Variants in ZNF516 observed in about 807,000 individuals in gnomAD.
ZNF516 encodes zinc finger protein 516.
In ZNF516, 19 loss-of-function variants were observed where a neutral mutation model predicts 79.7. That is an observed-to-expected ratio of 0.24 (90% CI 0.17 to 0.35). The LOEUF is 0.35. Among genes scored for constraint, ZNF516 ranks in the 10% least tolerant of loss-of-function variants. ZNF516 has a pLI of 1.00. For missense variants in ZNF516, 1,678 were observed against 1,679.5 expected (o/e 1.00, Z 0.02); for synonymous variants, 877 against 739.5 (o/e 1.19, Z -3.02).
chr18:76,440,757 T>TGCGC (rs1254213036), intron 3 of ZNF516, among the ~76,000 whole-genome samples: 7 of 146,454 alleles, frequency 4.8e-5, no homozygotes, highest in Non-Finnish European at 9.1e-5. Context: ...TGTGTGTGTG[T>TGCGC]GTGTGCGCGC....
At chr18:76,489,794 A>C (rs2145829049) in intron 1 of ZNF516, among the ~76,000 whole-genome samples, 1 of 152,316 alleles carries the variant, frequency 6.6e-6, no homozygotes, top group Admixed American at 6.5e-5. Context: ...CAGGATATTA[A>C]GCCATCTGGA....
intron 2 of ZNF516, among the ~76,000 whole-genome samples, chr18:76,462,050 T>C (rs1568313344): frequency 6.6e-6 from 1 of 152,254 alleles, no homozygotes; most frequent in African/African-American, 2.4e-5. Flanking sequence ...GGTTACCTTT[T>C]AAATTAATAT....
In ZNF516 at chr18:76,443,018, G is replaced by A; in HGVS notation, c.37C>T (p.Arg13Ter). ...RNREAEMELR[R>*]GPSPTRAGRG... ...CCGGCCCTGGTGGGGCTGGGGCCTC[G>A]CCTCAGCTCCATCTCGGCCTCTCTG... The change falls in exon 3 of 7, where the codon CGA (arginine) becomes TGA (stop). Residue 13 changes from arginine to a stop codon, truncating the protein, a stop_gained. Transcript: ENST00000443185. LOFTEE classifies it high-confidence loss of function. The A allele has an allele frequency of 1.3e-6, 2 of 1,597,890 alleles. No individual in the cohort carries two copies. Among genetic ancestry groups the A allele is most frequent in the Non-Finnish European group, 1.7e-6 (2 of 1,177,436 alleles).
intron 6 of ZNF516, among the ~76,000 whole-genome samples, chr18:76,363,862 G>A (rs147113935): frequency 2.6e-5 from 4 of 152,312 alleles, no homozygotes; most frequent in Admixed American, 6.5e-5. Flanking sequence ...GGCCTTGACC[G>A]TCTCTGCATA....
At chr18:76,445,634 A>T (rs957007833) in intron 2 of ZNF516, among the ~76,000 whole-genome samples, 3 of 152,226 alleles carry the variant, frequency 2.0e-5, no homozygotes, top group South Asian at 2.1e-4. Flanking sequence ...AAAATCCTGG[A>T]AATTGGTGGC....
intron 2 of ZNF516, among the ~76,000 whole-genome samples, chr18:76,454,845 A>G (rs780432124): frequency 6.6e-6 from 1 of 152,230 alleles, no homozygotes. Flanking sequence ...ATTCAGCTAC[A>G]AAAGTTAAGA....
chr18:76,482,086 G>A (rs1914554482), intron 1 of ZNF516, among the ~76,000 whole-genome samples: 1 of 152,166 alleles, frequency 6.6e-6, no homozygotes, highest in Non-Finnish European at 1.5e-5. Flanking sequence ...TTTAGAAGTT[G>A]ACTTTAGCGC....
rs533724602 is a variant in ZNF516 at position 76,458,690 on chromosome 18, C to T, written c.-158+4338G>A. On this transcript the variant is annotated intron_variant, in intron 2 of 6. Transcript: ENST00000443185. ...TCACCGTCGTGTGTGCGTGCCTCAC[C>T]GTCGTGTGTGCGTGCCTCACCGTCG... Among the ~76,000 whole-genome samples, 5 of 142,562 alleles carry T rather than the reference C, an allele frequency of 3.5e-5. No homozygotes were observed. In the East Asian group the frequency reaches 1.0e-3, roughly 30 times the overall value. The allele number at this position is 142,562 out of a possible 152,430, so 93.5% of individuals were successfully genotyped here.
intron 3 of ZNF516, among the ~76,000 whole-genome samples, chr18:76,439,917 C>T (rs746782074): frequency 6.6e-6 from 1 of 151,836 alleles, no homozygotes; most frequent in Non-Finnish European, 1.5e-5. Flanking sequence ...CCAGGGGTCA[C>T]GATGGGGTCA....
chr18:76,378,964 C>A lies in ZNF516; in HGVS notation c.3150G>T (p.Gly1050=), dbSNP rs761039153. ...TGAGGATGTCCAGGCGCTTCTCATG[C>A]CCCTCGGCCACCGGCTCCTGTTTGA... The part of the protein sequence containing the change: ...HSIKQEPVAE[G]HEKRLDILNI... Residue 1050 remains glycine (G), a synonymous_variant, in exon 4 of 7, where the codon GGG becomes GGT. Coordinates refer to ENST00000443185, the MANE Select transcript of ZNF516 (RefSeq NM_014643.4). 1.2e-6 allele frequency: 2 copies of A among 1,613,638 alleles called. No individual in the cohort carries two copies. The highest frequency in any genetic ancestry group is 2.2e-5 in the East Asian group (1 of 44,878).
At chr18:76,384,680 C>A (rs1235454780) in intron 3 of ZNF516, among the ~76,000 whole-genome samples, 1 of 150,924 alleles carries the variant, frequency 6.6e-6, no homozygotes, top group Non-Finnish European at 1.5e-5. Flanking sequence ...AACGGAAGAA[C>A]TCGGCTAGAG....
chr18:76,373,224 GGAGA>G, intron 4 of ZNF516, among the ~76,000 whole-genome samples: 1 of 151,338 alleles, frequency 6.6e-6, no homozygotes, highest in South Asian at 2.1e-4. Context: ...GAAGAAAAGA[GGAGA>G]GAGGAGGGAA....
chr18:76,481,766 G>A (rs959715735), intron 1 of ZNF516, among the ~76,000 whole-genome samples: 3 of 152,142 alleles, frequency 2.0e-5, no homozygotes, highest in African/African-American at 7.2e-5. Context: ...TTTATTTAGG[G>A]AACTAGTTAT....
At chr18:76,416,567 G>C (rs180923077) in intron 3 of ZNF516, among the ~76,000 whole-genome samples, 10 of 152,226 alleles carry the variant, frequency 6.6e-5, no homozygotes, top group Admixed American at 6.5e-4. Flanking sequence ...TTGTGATTTG[G>C]ATTTTCTGCA....
intron 1 of ZNF516, among the ~76,000 whole-genome samples, chr18:76,483,726 T>C (rs997983498): frequency 7.2e-5 from 11 of 152,214 alleles, no homozygotes; most frequent in African/African-American, 2.2e-4. Context: ...ACTTACACTC[T>C]GTATTTACTC....
chr18:76,391,687 C>T (rs1028746851), intron 3 of ZNF516, among the ~76,000 whole-genome samples: 7 of 152,350 alleles, frequency 4.6e-5, no homozygotes, highest in African/African-American at 1.7e-4. Flanking sequence ...TGGGCAATCA[C>T]ACCAGCCCTA....
At chr18:76,385,409 G>A (rs1027763861) in intron 3 of ZNF516, among the ~76,000 whole-genome samples, 6 of 152,236 alleles carry the variant, frequency 3.9e-5, no homozygotes, top group Non-Finnish European at 8.8e-5. Context: ...CAAAAGCACA[G>A]AAATGCGGTG....
chr18:76,385,104 C>T (rs1484233862), intron 3 of ZNF516, among the ~76,000 whole-genome samples: 3 of 152,216 alleles, frequency 2.0e-5, no homozygotes, highest in Non-Finnish European at 4.4e-5. Flanking sequence ...GCACGTCGCT[C>T]CCAACCCCAC....
intron 3 of ZNF516, among the ~76,000 whole-genome samples, chr18:76,436,590 G>GC (rs1599086215): frequency 6.6e-6 from 1 of 152,268 alleles, no homozygotes; most frequent in East Asian, 1.9e-4. Flanking sequence ...AGGTCAGTGC[G>GC]CGAAGGTATT....
Sources: gnomAD v4.1 joint callset for allele counts (sites outside exome capture counted in the v4.1 genomes callset) on GRCh38, gnomAD v4.1.1 for gene constraint, MANE v1.5 for transcripts, NCBI Gene and HGNC (gene_info 2026-07-23, HGNC 2026-07-21) for gene names.